The following CCAR1 variants were observed in gnomAD, a reference collection of about 807,000 sequenced individuals.
CCAR1 encodes cell division cycle and apoptosis regulator protein 1.
Under a neutral mutation model 163.8 loss-of-function variants are expected in CCAR1, and 78 were observed. That is an observed-to-expected ratio of 0.48 (90% CI 0.40 to 0.57). The LOEUF (loss-of-function observed/expected upper bound fraction) is 0.57. Among genes scored for constraint, CCAR1 ranks in the 20% least tolerant of loss-of-function variants. CCAR1 has a pLI of 0.00. For synonymous variants in CCAR1, 443 were observed against 460.7 expected, an observed-to-expected ratio of 0.96 and a Z score of 0.49; for missense variants, 1,019 against 1,365.2, an observed-to-expected ratio of 0.75 and a Z score of 4.00.
In CCAR1 at chr10:68,753,773, T is replaced by A; in HGVS notation, c.1119-79T>A. The A allele has an allele frequency of 4.8e-6, 5 of 1,041,040 alleles. 1 individual carries two copies. The South Asian group carries it at 7.3e-5, about 15-fold the overall frequency. The allele number at this position is 1,041,040 out of a possible 1,614,324, so 64.5% of individuals were successfully genotyped here. A position where few individuals can be genotyped will look rare whatever the true frequency, so the allele number is the denominator to read the frequency against. On this transcript the variant is annotated intron_variant, in intron 10 of 24. Coordinates refer to ENST00000265872, the MANE Select transcript of CCAR1 (RefSeq NM_018237.4). ...CAGCTTACTTTTTACTATATCCAGT[T>A]ATATTTGCTACAGAATTAAATGTTT...
chr10:68,761,271 TTA>T (rs1357866817), intron 16 of CCAR1, 79 bp downstream of exon 16: 6 of 619,894 alleles, frequency 9.7e-6, no homozygotes, highest in African/African-American at 9.6e-5. Flanking sequence ...TGAGTTAAGA[TTA>T]TGTGTGTGTA....
chr10:68,781,892 C>A (rs1481508219), intron 19 of CCAR1, among the ~76,000 whole-genome samples: 3 of 152,036 alleles, frequency 2.0e-5, no homozygotes, highest in Non-Finnish European at 2.9e-5. Context: ...CCCAAAATGG[C>A]CTTGGAGTGT....
chr10:68,751,324 G>T (rs750666750), intron 10 of CCAR1, among the ~76,000 whole-genome samples: 4 of 151,964 alleles, frequency 2.6e-5, no homozygotes, highest in Non-Finnish European at 4.4e-5. Context: ...ACCATGCCTG[G>T]CCCAGCAACT....
intron 4 of CCAR1, among the ~76,000 whole-genome samples, chr10:68,740,105 T>C (rs1034007191): frequency 1.3e-5 from 2 of 152,206 alleles, no homozygotes; most frequent in African/African-American, 2.4e-5. Context: ...TGATGACCAG[T>C]GATATTTTTT....
chr10:68,754,761 A>G lies in CCAR1; in HGVS notation c.1392A>G (p.Ser464=), dbSNP rs567773223. Residue 464 remains serine (S), a synonymous_variant, in exon 12 of 25, where the codon TCA becomes TCG. Coordinates refer to ENST00000265872, the MANE Select transcript of CCAR1 (RefSeq NM_018237.4). ...SPSMEDLYHK[S]CALAEDPQEL... Reference sequence around the variant, plus strand: ...GTATGGAAGATTTATATCATAAGTCATGTGCTCTTGCTGAGGACCCACAAG... The same window carrying G: ...GTATGGAAGATTTATATCATAAGTCGTGTGCTCTTGCTGAGGACCCACAAG... 1.7e-5 allele frequency: 28 copies of G among 1,612,556 alleles called. No homozygotes were observed. In the South Asian group the frequency reaches 2.6e-4, roughly 15 times the overall value.
chr10:68,735,080 G>A (rs543241499), intron 2 of CCAR1, among the ~76,000 whole-genome samples: 2 of 152,236 alleles, frequency 1.3e-5, no homozygotes, highest in East Asian at 3.9e-4. Flanking sequence ...AGTTGTGGTG[G>A]CTCACACCTG....
intron 15 of CCAR1, among the ~76,000 whole-genome samples, chr10:68,758,544 G>GTGTGTA (rs1491587718): frequency 7.3e-6 from 1 of 137,838 alleles, no homozygotes; most frequent in African/African-American, 2.9e-5. Flanking sequence ...GTGTGTGTGT[G>GTGTGTA]TATACAGTGT....
intron 19 of CCAR1, among the ~76,000 whole-genome samples, chr10:68,779,288 TG>T (rs1330605800): frequency 1.3e-5 from 2 of 151,666 alleles, no homozygotes; most frequent in African/African-American, 4.8e-5. Context: ...GACAGAGTTT[TG>T]CTCTGTCGCC....
chr10:68,775,702 T>A (rs2056658303), intron 19 of CCAR1, among the ~76,000 whole-genome samples: 1 of 128,226 alleles, frequency 7.8e-6, no homozygotes. Context: ...TTTTTTTTTT[T>A]TTTTTTTTTT....
intron 5 of CCAR1, 152 bp downstream of exon 5, chr10:68,740,813 C>T: frequency 1.9e-6 from 1 of 539,036 alleles, no homozygotes; most frequent in Admixed American, 3.6e-5. Flanking sequence ...TAGTAGTATG[C>T]TAGTTTATTT....
intron 23 of CCAR1, 39 bp downstream of exon 23, chr10:68,788,367 C>A: frequency 7.1e-7 from 1 of 1,415,364 alleles, no homozygotes; most frequent in South Asian, 1.6e-5. Context: ...CTTTCAGCAC[C>A]CTGCTGGGAC....
chr10:68,749,380 G>A, intron 9 of CCAR1, 115 bp downstream of exon 9: 1 of 1,284,776 alleles, frequency 7.8e-7, no homozygotes, highest in East Asian at 2.5e-5. Flanking sequence ...TAAATTTTAT[G>A]TTATGTCTAT....
chr10:68,742,658 C>A, intron 6 of CCAR1, 89 bp downstream of exon 6: 2 of 1,070,218 alleles, frequency 1.9e-6, no homozygotes, highest in Non-Finnish European at 2.8e-6. Flanking sequence ...GTAGCCCAGG[C>A]TGGACACAGT....
chr10:68,747,129 A>G (rs1398058649), intron 6 of CCAR1, 32 bp from the exon 7 acceptor site: 1 of 1,141,864 alleles, frequency 8.8e-7, no homozygotes, highest in Admixed American at 2.3e-5. Context: ...TTGTATTTAT[A>G]TTTAACTTTT....
chr10:68,788,478 A>C (rs1437098281), intron 23 of CCAR1, 150 bp downstream of exon 23: 1 of 458,362 alleles, frequency 2.2e-6, no homozygotes, highest in Non-Finnish European at 3.6e-6. Context: ...GAACTTTTTA[A>C]AATTTTTTAT....
intron 10 of CCAR1, among the ~76,000 whole-genome samples, chr10:68,750,444 C>T (rs1216956654): frequency 6.6e-6 from 1 of 152,104 alleles, no homozygotes; most frequent in Middle Eastern, 3.4e-3. Flanking sequence ...AGGTTTGTTT[C>T]GAACTCCTAA....
Position 68,722,632 on chromosome 10 carries a change from A to G in CCAR1, c.73+55A>G. 7 of 1,381,956 alleles carry G rather than the reference A, an allele frequency of 5.1e-6. No individual in the cohort carries two copies. In the South Asian group the frequency reaches 8.1e-5, roughly 16 times the overall value. The allele number at this position is 1,381,956 out of a possible 1,614,324, so 85.6% of individuals were successfully genotyped here. A position where few individuals can be genotyped will look rare whatever the true frequency, so the allele number is the denominator to read the frequency against. ...TGTTTGTGGGGGACTTGTTAAAACT[A>G]CGTGAATTAGGGCCGGGGGTGGTGG... On this transcript the variant is annotated intron_variant, in intron 2 of 24. Transcript: ENST00000265872.
intron 19 of CCAR1, among the ~76,000 whole-genome samples, chr10:68,775,593 T>C (rs1410018788): frequency 3.4e-5 from 5 of 148,110 alleles, no homozygotes; most frequent in Non-Finnish European, 7.4e-5. Context: ...CACTGCAACC[T>C]CTGCCTCCCG....
In CCAR1 at chr10:68,749,195, G is replaced by T; in HGVS notation, c.886G>T (p.Asp296Tyr). The change falls in exon 9 of 25, where the codon GAT becomes TAT. Residue 296 changes from aspartate to tyrosine, a missense_variant. Physicochemically the swap from Asp to Tyr is radical, Grantham distance 160. Coordinates refer to ENST00000265872, the MANE Select transcript of CCAR1 (RefSeq NM_018237.4). Reference sequence around the variant, plus strand: ...ACAGCCACAACCGGCACGACGATTAGATCCCCCATCCCGATTTTCAGGAAG... The same window carrying T: ...ACAGCCACAACCGGCACGACGATTATATCCCCCATCCCGATTTTCAGGAAG... ...VSQPQPARRL[D>Y]PPSRFSGRND... 6.2e-7 allele frequency: 1 copy of T among 1,613,642 alleles called. No individual in the cohort carries two copies. The highest frequency in any genetic ancestry group is 8.5e-7 in the Non-Finnish European group (1 of 1,179,882).
Sources: gnomAD v4.1 joint callset for allele counts (sites outside exome capture counted in the v4.1 genomes callset) on GRCh38, gnomAD v4.1.1 for gene constraint, MANE v1.5 for transcripts, NCBI Gene and HGNC (gene_info 2026-07-23, HGNC 2026-07-21) for gene names.